The following LIN28B variants were observed in gnomAD, a reference collection of about 807,000 sequenced individuals.
The protein encoded by LIN28B is protein lin-28 homolog B.
LIN28B carries 5 observed loss-of-function variants against 21.9 expected under a neutral mutation model. The ratio of observed to expected loss-of-function variants is 0.23; its 90% CI spans 0.12 to 0.48. The LOEUF is 0.48. Among genes scored for constraint, LIN28B ranks in the 20% least tolerant of loss-of-function variants. The pLI is 0.98. For missense variants in LIN28B, 245 were observed against 310.5 expected (o/e 0.79, Z 1.58); for synonymous variants, 109 against 111.3 (o/e 0.98, Z 0.13).
chr6:105,000,860 C>T (rs1192734252), intron 2 of LIN28B, among the ~76,000 whole-genome samples: 1 of 152,164 alleles, frequency 6.6e-6, no homozygotes, highest in East Asian at 1.9e-4. Context: ...CAAGGTCACA[C>T]TACTGATTCA....
chr6:104,970,053 G>A (rs1450318667), intron 2 of LIN28B, among the ~76,000 whole-genome samples: 2 of 152,156 alleles, frequency 1.3e-5, no homozygotes, highest in East Asian at 1.9e-4. Context: ...GCCAGTGGGG[G>A]ATGGTGTGTG....
rs1772533787 is a variant in LIN28B at position 105,081,046 on chromosome 6, C to T, written c.*2263C>T. On this transcript the variant is annotated 3_prime_UTR_variant, in exon 4 of 4. Coordinates refer to ENST00000345080, the MANE Select transcript of LIN28B (RefSeq NM_001004317.4). ...ACTAAACTAAGAGCACATACCAAAC[C>T]TATCTTATGGTTGAAAGTTGGGGTT... 1 of 152,540 alleles carries T rather than the reference C, an allele frequency of 6.6e-6. No homozygotes were observed. The highest frequency in any genetic ancestry group is 6.5e-5 in the Admixed American group (1 of 15,268). 9.4% of individuals were successfully genotyped at this position (152,540 alleles called of 1,614,324 possible).
At chr6:105,069,776 A>T (rs1165313189) in intron 3 of LIN28B, among the ~76,000 whole-genome samples, 1 of 152,064 alleles carries the variant, frequency 6.6e-6, no homozygotes, top group Non-Finnish European at 1.5e-5. Context: ...TTATAAATTG[A>T]ACAGAGAAAC....
At chr6:104,997,565 C>T (rs1200103701) in intron 2 of LIN28B, among the ~76,000 whole-genome samples, 12 of 148,920 alleles carry the variant, frequency 8.1e-5, no homozygotes. Context: ...CACACACACA[C>T]GTTATTTCTA....
At chr6:104,991,138 G>C (rs1372117177) in intron 2 of LIN28B, among the ~76,000 whole-genome samples, 1 of 38,598 alleles carries the variant, frequency 2.6e-5, no homozygotes, top group Admixed American at 3.6e-4. Context: ...AGGGGCGGCC[G>C]GGCAGAGGCG....
chr6:104,957,030 A>T (rs996037494), upstream of LIN28B: 23 of 1,392,772 alleles, frequency 1.7e-5, no homozygotes, highest in Non-Finnish European at 2.2e-5. Flanking sequence ...AGGTGAAATT[A>T]GTAGCAAGAA....
intron 2 of LIN28B, among the ~76,000 whole-genome samples, chr6:104,991,246 C>G (rs1243386178): frequency 1.3e-5 from 2 of 151,506 alleles, no homozygotes; most frequent in Non-Finnish European, 2.9e-5. Flanking sequence ...CCCCCTGCCT[C>G]CCTCCCGGAC....
chr6:105,045,368 C>T (rs1359531257), intron 3 of LIN28B, among the ~76,000 whole-genome samples: 3 of 146,522 alleles, frequency 2.0e-5, no homozygotes, highest in Non-Finnish European at 4.5e-5. Context: ...CTCACTGCAA[C>T]CTCTGCCTCC....
At position 105,026,419 on chromosome 6, in the gene LIN28B, G is replaced by C. The variant is rs1412686429; in HGVS notation, c.320G>C (p.Cys107Ser). The change falls in exon 3 of 4, where the codon TGT becomes TCT. Residue 107 changes from cysteine (C) to serine (S), a missense_variant. Physicochemically the swap from Cys to Ser is moderately radical, Grantham distance 112. Coordinates refer to ENST00000345080, the MANE Select transcript of LIN28B (RefSeq NM_001004317.4). ...GTAACAGGACCTGGTGGGAGCCCCT[G>C]TTTAGGAAGTGAAAGAAGACCCAAA... Reference protein sequence around the residue: ...IRVTGPGGSPCLGSERRPKGK... With the variant: ...IRVTGPGGSPSLGSERRPKGK... 1 of 1,610,830 alleles carries C rather than the reference G, an allele frequency of 6.2e-7. No homozygotes were observed. The highest frequency in any genetic ancestry group is 1.7e-5 in the Admixed American group (1 of 59,330).
At chr6:104,993,621 A>G (rs1770539029) in intron 2 of LIN28B, among the ~76,000 whole-genome samples, 1 of 152,112 alleles carries the variant, frequency 6.6e-6, no homozygotes, top group South Asian at 2.1e-4. Context: ...GGATTGCTCG[A>G]GGCCAGGAGT....
chr6:105,075,874 G>A (rs986511681), intron 3 of LIN28B, among the ~76,000 whole-genome samples: 2 of 152,116 alleles, frequency 1.3e-5, no homozygotes, highest in South Asian at 2.1e-4. Flanking sequence ...CCTATTTTCT[G>A]TCTCTTTGAA....
At chr6:104,995,357 C>G (rs963327927) in intron 2 of LIN28B, among the ~76,000 whole-genome samples, 1 of 152,122 alleles carries the variant, frequency 6.6e-6, no homozygotes, top group African/African-American at 2.4e-5. Context: ...ACATTTCTAG[C>G]TTGAGTTGAT....
At chr6:104,947,997 G>A (rs959139851) in intron 2 of LIN28B, among the ~76,000 whole-genome samples, 1 of 152,050 alleles carries the variant, frequency 6.6e-6, no homozygotes, top group Non-Finnish European at 1.5e-5. Flanking sequence ...ACATGGTAGA[G>A]ACATTGTATT....
intron 2 of LIN28B, among the ~76,000 whole-genome samples, chr6:104,964,444 A>G (rs533187646): frequency 4.3e-4 from 65 of 152,354 alleles, no homozygotes; most frequent in South Asian, 3.7e-3. Flanking sequence ...TTGATTTGGA[A>G]TGAAATATGG....
chr6:105,049,385 G>T (rs566975716), intron 3 of LIN28B, among the ~76,000 whole-genome samples: 19 of 152,244 alleles, frequency 1.2e-4, no homozygotes, highest in African/African-American at 4.6e-4. Flanking sequence ...TATAATTTCT[G>T]TTCTTTTACA....
chr6:105,068,672 C>A (rs1333400059), intron 3 of LIN28B, among the ~76,000 whole-genome samples: 3 of 152,080 alleles, frequency 2.0e-5, no homozygotes, highest in Non-Finnish European at 4.4e-5. Context: ...CTGAATTTTG[C>A]TTTTTATTTG....
At chr6:105,072,044 C>G (rs1259361462) in intron 3 of LIN28B, among the ~76,000 whole-genome samples, 1 of 151,948 alleles carries the variant, frequency 6.6e-6, no homozygotes, top group Non-Finnish European at 1.5e-5. Context: ...CTGACCTCCC[C>G]AGTAACAAAG....
intron 2 of LIN28B, among the ~76,000 whole-genome samples, chr6:104,995,008 A>G (rs1770570673): frequency 6.6e-6 from 1 of 152,212 alleles, no homozygotes; most frequent in African/African-American, 2.4e-5. Context: ...CTTACTGTCC[A>G]AAGGAAATAC....
intron 2 of LIN28B, among the ~76,000 whole-genome samples, chr6:104,938,177 C>G (rs989114615): frequency 1.3e-5 from 2 of 151,458 alleles, no homozygotes; most frequent in South Asian, 2.1e-4. Context: ...CCCAGGAGGT[C>G]GAAGCTGCAG....
Sources: gnomAD v4.1 joint callset for allele counts (sites outside exome capture counted in the v4.1 genomes callset) on GRCh38, gnomAD v4.1.1 for gene constraint, MANE v1.5 for transcripts, NCBI Gene and HGNC (gene_info 2026-07-23, HGNC 2026-07-21) for gene names.